The following ADAMTSL1 variants were observed in gnomAD, a reference collection of about 807,000 sequenced individuals.
ADAMTSL1 encodes ADAMTS-like protein 1.
ADAMTSL1 carries 126 observed loss-of-function variants against 201.8 expected under a neutral mutation model. The observed-to-expected ratio is 0.62, with a 90% CI of 0.54 to 0.72. The LOEUF is 0.72. Ranked by LOEUF, ADAMTSL1 falls within the 30% of genes least tolerant of loss-of-function variation. The pLI is 0.00. For synonymous variants in ADAMTSL1, 1,121 were observed against 903.4 expected, an observed-to-expected ratio of 1.24 and a Z score of -4.32; for missense variants, 2,679 against 2,277.8, an observed-to-expected ratio of 1.18 and a Z score of -3.59.
At chr9:18,755,430 T>C (rs1452609041) in intron 16 of ADAMTSL1, among the ~76,000 whole-genome samples, 1 of 152,228 alleles carries the variant, frequency 6.6e-6, no homozygotes, top group Non-Finnish European at 1.5e-5. Flanking sequence ...AGATGAAGAA[T>C]GCTCCTTATA....
chr9:18,890,810 A>T (rs1829210270), intron 25 of ADAMTSL1: 1 of 329,344 alleles, frequency 3.0e-6, no homozygotes, highest in Non-Finnish European at 6.0e-6. Flanking sequence ...TTCACCAGGG[A>T]TATAAGAGGC....
chr9:18,047,903 A>G (rs968946493), intron 1 of ADAMTSL1, among the ~76,000 whole-genome samples: 4 of 152,212 alleles, frequency 2.6e-5, no homozygotes, highest in African/African-American at 7.2e-5. Context: ...TGCAGAGGAT[A>G]GGGACTGAAG....
At chr9:18,060,497 C>G (rs745774179) in intron 1 of ADAMTSL1, among the ~76,000 whole-genome samples, 4 of 152,166 alleles carry the variant, frequency 2.6e-5, no homozygotes, top group Non-Finnish European at 5.9e-5. Flanking sequence ...CAGCTTCTGA[C>G]ATGTTGGGCA....
intron 7 of ADAMTSL1, among the ~76,000 whole-genome samples, chr9:18,653,088 ACTGAG>A (rs942212294): frequency 6.6e-6 from 1 of 152,226 alleles, no homozygotes; most frequent in Admixed American, 6.5e-5. Flanking sequence ...AGCGTTTAGA[ACTGAG>A]CTAATCAGAA....
chr9:18,423,594 A>G (rs7024865), intron 2 of ADAMTSL1, among the ~76,000 whole-genome samples: 5,269 of 152,308 alleles, frequency 0.035, 218 homozygotes, highest in African/African-American at 0.097. Context: ...CTTAAGTACA[A>G]TATTGTCCCT....
At chr9:18,138,731 C>T (rs1242622915) in intron 1 of ADAMTSL1, among the ~76,000 whole-genome samples, 1 of 152,128 alleles carries the variant, frequency 6.6e-6, no homozygotes, top group Non-Finnish European at 1.5e-5. Flanking sequence ...TGAGGTTATG[C>T]TTTCTGCAGC....
intron 1 of ADAMTSL1, among the ~76,000 whole-genome samples, chr9:18,138,328 T>G (rs970640531): frequency 9.9e-5 from 15 of 152,138 alleles, no homozygotes; most frequent in African/African-American, 3.4e-4. Flanking sequence ...CTTGCATGTG[T>G]TTTTTCTAGA....
chr9:18,788,394 G>A (rs1046622238), intron 19 of ADAMTSL1, among the ~76,000 whole-genome samples: 8 of 74,242 alleles, frequency 1.1e-4, no homozygotes, highest in African/African-American at 3.5e-4. Context: ...CCCCGCCCCC[G>A]CAACCACCGA....
intron 4 of ADAMTSL1, among the ~76,000 whole-genome samples, chr9:18,614,170 C>T (rs1248368921): frequency 6.6e-6 from 1 of 152,116 alleles, no homozygotes; most frequent in African/African-American, 2.4e-5. Flanking sequence ...ACACTGTGGG[C>T]TGTTGTAAGG....
intron 13 of ADAMTSL1, 50 bp from the exon 14 acceptor site, chr9:18,706,697 T>TCCTG: frequency 6.6e-7 from 1 of 1,510,170 alleles, no homozygotes; most frequent in South Asian, 1.3e-5. Flanking sequence ...CCCCATGGCT[T>TCCTG]CCTGCCTGGG....
rs144678951 is a variant in ADAMTSL1 at position 18,395,185 on chromosome 9, T to G, written c.208-109644T>G. Among the ~76,000 whole-genome samples, 182 of 152,312 alleles carry G rather than the reference T, an allele frequency of 1.2e-3. 1 individual carries two copies. The highest frequency in any genetic ancestry group is 4.3e-3 in the African/African-American group (178 of 41,568). ...ATGTCGGATCTCCAGCATTATGTCATGGAAAAGCAACAGTAAGATCTGTAA... is the reference window on the plus strand; with the variant it reads ...ATGTCGGATCTCCAGCATTATGTCAGGGAAAAGCAACAGTAAGATCTGTAA... On this transcript the variant is annotated intron_variant, in intron 2 of 29. Transcript: ENST00000680146.
At chr9:18,008,943 G>C (rs889975643) in intron 1 of ADAMTSL1, among the ~76,000 whole-genome samples, 2 of 151,948 alleles carry the variant, frequency 1.3e-5, no homozygotes, top group African/African-American at 4.8e-5. Context: ...AGATTTGCTG[G>C]AACAGGGCAT....
At chr9:18,237,707 C>G (rs569208858) in intron 2 of ADAMTSL1, among the ~76,000 whole-genome samples, 1 of 152,274 alleles carries the variant, frequency 6.6e-6, no homozygotes, top group African/African-American at 2.4e-5. Context: ...TTGTTGTGCT[C>G]TGATGCATTT....
intron 3 of ADAMTSL1, among the ~76,000 whole-genome samples, chr9:18,549,053 G>A (rs1403649511): frequency 6.6e-6 from 1 of 151,914 alleles, no homozygotes; most frequent in African/African-American, 2.4e-5. Flanking sequence ...TGTTCAATGA[G>A]AAGGGGCAGA....
chr9:18,707,632 A>G (rs909180030), intron 14 of ADAMTSL1, among the ~76,000 whole-genome samples: 21 of 152,250 alleles, frequency 1.4e-4, no homozygotes, highest in African/African-American at 4.8e-4. Flanking sequence ...GTTCAAGATC[A>G]TACAGCTGGT....
intron 15 of ADAMTSL1, among the ~76,000 whole-genome samples, chr9:18,736,997 C>G (rs1818534051): frequency 6.6e-6 from 1 of 152,154 alleles, no homozygotes; most frequent in Non-Finnish European, 1.5e-5. Context: ...CCACATAGAA[C>G]TCTCTCTGCC....
intron 1 of ADAMTSL1, among the ~76,000 whole-genome samples, chr9:18,109,768 GT>G (rs753683557): frequency 2.6e-5 from 4 of 152,116 alleles, no homozygotes; most frequent in Non-Finnish European, 5.9e-5. Context: ...TGTCAGCAGC[GT>G]GGCACCAGGT....
chr9:18,217,236 G>A (rs1830087424), intron 2 of ADAMTSL1, among the ~76,000 whole-genome samples: 1 of 152,144 alleles, frequency 6.6e-6, no homozygotes, highest in East Asian at 1.9e-4. Context: ...GTTTTTACAT[G>A]TTCTATCATT....
intron 1 of ADAMTSL1, among the ~76,000 whole-genome samples, chr9:18,477,568 G>A (rs1456624919): frequency 6.6e-6 from 1 of 152,204 alleles, no homozygotes; most frequent in Non-Finnish European, 1.5e-5. Context: ...CCAGCAGCAT[G>A]TATGTCAGTG....
Sources: allele counts gnomAD v4.1 joint callset (sites outside exome capture counted in the v4.1 genomes callset), GRCh38; gene constraint gnomAD v4.1.1; transcripts MANE v1.5; gene names NCBI Gene and HGNC (gene_info 2026-07-23, HGNC 2026-07-21).